The following BMP1 variants were observed in gnomAD, a reference collection of about 807,000 sequenced individuals.
BMP1 encodes the protein bone morphogenetic protein 1.
Under a neutral mutation model 116.8 loss-of-function variants are expected in BMP1, and 63 were observed. The ratio of observed to expected loss-of-function variants is 0.54; its 90% CI spans 0.44 to 0.67. The LOEUF is 0.67. Ranked by LOEUF, BMP1 falls within the 30% of genes least tolerant of loss-of-function variation. The pLI is 0.00. For synonymous variants in BMP1, 536 were observed against 533.4 expected (o/e 1.00, Z -0.07); for missense variants, 1,183 against 1,358.9 (o/e 0.87, Z 2.04).
chr8:22,194,516 C>G lies in BMP1; in HGVS notation c.1369C>G (p.Pro457Ala). 6.2e-7 allele frequency: 1 copy of G among 1,614,188 alleles called. No homozygotes were observed. Among genetic ancestry groups the G allele is most frequent in the Non-Finnish European group, 8.5e-7 (1 of 1,180,032 alleles). The change falls in exon 11 of 20, where the codon CCC becomes GCC. Residue 457 changes from proline to alanine, a missense_variant. Physicochemically the swap from Pro to Ala is conservative, Grantham distance 27 (BLOSUM62 -1). Around this residue, in one of 4 missense-constraint regions of BMP1, gnomAD observed 956 missense variants for 1,135.2 expected, o/e 0.84. Coordinates refer to ENST00000306385, the MANE Select transcript of BMP1 (RefSeq NM_006129.5). The surrounding 1 kb of genome is among the most constrained non-coding windows in gnomAD (Gnocchi z 4.5). ...QSPNYPDDYRPSKVCIWRIQV... is the reference protein window; with the variant it reads ...QSPNYPDDYRASKVCIWRIQV... ...GCCCAACTACCCAGACGATTACCGG[C>G]CCAGCAAAGTCTGCATCTGGCGGAT...
chr8:22,211,629 C>T lies in BMP1; in HGVS notation c.2862C>T (p.Val954=). Residue 954 remains valine (V), a synonymous_variant, in exon 20 of 20, where the codon GTC becomes GTT. Transcript: ENST00000306385. ...AGGTGTACTCGGCGGGAGATTCTGTCCTGGTGAAGTTCCACTCGGATGACA... is the reference window on the plus strand; with the variant it reads ...AGGTGTACTCGGCGGGAGATTCTGTTCTGGTGAAGTTCCACTCGGATGACA... ...PEEVYSAGDS[V]LVKFHSDDTI... 1.6e-5 allele frequency: 26 copies of T among 1,614,200 alleles called. No individual in the cohort carries two copies. Among genetic ancestry groups the T allele is most frequent in the Non-Finnish European group, 2.1e-5 (25 of 1,180,030 alleles).
intron 15 of BMP1, among the ~76,000 whole-genome samples, chr8:22,200,475 C>T (rs138441139): frequency 3.9e-5 from 6 of 152,262 alleles, no homozygotes; most frequent in African/African-American, 1.2e-4. Context: ...TCTTTGTATG[C>T]ACCTGTACAC....
chr8:22,203,810 G>T (rs1342295445), intron 16 of BMP1, among the ~76,000 whole-genome samples: 1 of 152,158 alleles, frequency 6.6e-6, no homozygotes, highest in East Asian at 1.9e-4. Context: ...CTGAGTCATG[G>T]AACTAGCTAG....
chr8:22,203,722 C>T (rs577548168), intron 16 of BMP1, among the ~76,000 whole-genome samples: 16 of 152,254 alleles, frequency 1.1e-4, no homozygotes, highest in African/African-American at 3.4e-4. Flanking sequence ...GAAACAGAAC[C>T]GAAGCCCTCA....
intron 8 of BMP1, among the ~76,000 whole-genome samples, chr8:22,183,862 C>T (rs976133690): frequency 1.4e-4 from 22 of 152,232 alleles, no homozygotes; most frequent in African/African-American, 5.1e-4. Flanking sequence ...AGACGTGAGC[C>T]GCCGCGCCTG....
At chr8:22,197,037 A>G (rs917936908) in intron 14 of BMP1, among the ~76,000 whole-genome samples, 197 bp downstream of exon 14, 2 of 152,168 alleles carry the variant, frequency 1.3e-5, no homozygotes, top group Admixed American at 6.5e-5. Context: ...ACATGTAGCA[A>G]GTGGGAGGAA....
rs1003184451 is a variant in BMP1 at position 22,204,169 on chromosome 8, G to A, written c.2233+2241G>A. Among the ~76,000 whole-genome samples, 6 of 152,176 alleles carry A rather than the reference G, an allele frequency of 3.9e-5. No homozygotes were observed. In the South Asian group the frequency reaches 8.3e-4, roughly 21 times the overall value. On this transcript the variant is annotated intron_variant, in intron 16 of 19. Coordinates refer to ENST00000306385, the MANE Select transcript of BMP1 (RefSeq NM_006129.5). ...TGGGCGTGCAAGGAACACAGGGGGC[G>A]TGGAAGGCCAGAGCGCAAAGAGGGA...
At chr8:22,208,290 G>C (rs1478601244) in intron 18 of BMP1, among the ~76,000 whole-genome samples, 1 of 152,234 alleles carries the variant, frequency 6.6e-6, no homozygotes, top group African/African-American at 2.4e-5. Flanking sequence ...GGCTTGCTCG[G>C]CTTTCACTTG....
Position 22,165,396 on chromosome 8 carries a change from C to T in BMP1, c.-10C>T, listed in dbSNP as rs766447932. 2 of 1,460,622 alleles carry T rather than the reference C, an allele frequency of 1.4e-6. No homozygotes were observed. Among genetic ancestry groups the T allele is most frequent in the Non-Finnish European group, 1.8e-6 (2 of 1,112,204 alleles). The allele number at this position is 1,460,622 out of a possible 1,614,324, so 90.5% of individuals were successfully genotyped here. A position where few individuals can be genotyped will look rare whatever the true frequency, so the allele number is the denominator to read the frequency against. On this transcript the variant is annotated 5_prime_UTR_variant, in exon 1 of 20. Coordinates refer to ENST00000306385, the MANE Select transcript of BMP1 (RefSeq NM_006129.5). ...CAGTGCGCCGCTTCCCTCGCCGCCGCCCCGCCAGCATGCCCGGCGTGGCCC... is the reference window on the plus strand; with the variant it reads ...CAGTGCGCCGCTTCCCTCGCCGCCGTCCCGCCAGCATGCCCGGCGTGGCCC...
At chr8:22,183,669 C>A (rs1268663230) in intron 8 of BMP1, among the ~76,000 whole-genome samples, 4 of 151,832 alleles carry the variant, frequency 2.6e-5, no homozygotes, top group Non-Finnish European at 5.9e-5. Context: ...TGCAATGGCA[C>A]GATCTCAGCT....
intron 1 of BMP1, among the ~76,000 whole-genome samples, chr8:22,166,807 G>A (rs2131833989): frequency 6.6e-6 from 1 of 152,292 alleles, no homozygotes; most frequent in South Asian, 2.1e-4. Flanking sequence ...CTGGGCTGCG[G>A]GTAAACCAGG....
chr8:22,186,309 A>G (rs1828769203), intron 8 of BMP1, among the ~76,000 whole-genome samples: 1 of 152,158 alleles, frequency 6.6e-6, no homozygotes, highest in South Asian at 2.1e-4. Context: ...TGCTGAGCAG[A>G]GTTGCTTGGC....
intron 18 of BMP1, among the ~76,000 whole-genome samples, chr8:22,207,797 G>A (rs1056032493): frequency 3.9e-5 from 6 of 152,360 alleles, no homozygotes; most frequent in South Asian, 4.1e-4. Context: ...CTGAGCGTAC[G>A]CGGGCCACCG....
In BMP1 at chr8:22,195,448, C is replaced by T; in HGVS notation, c.1640-14C>T. 1 of 1,593,484 alleles carries T rather than the reference C, an allele frequency of 6.3e-7. No homozygotes were observed. The highest frequency in any genetic ancestry group is 8.5e-7 in the Non-Finnish European group (1 of 1,173,068). ...ATGCCTGGAGTCTGTGACACCCTTTCCTTCCCACCACAGAGGTGGACGAGT... is the reference window on the plus strand; with the variant it reads ...ATGCCTGGAGTCTGTGACACCCTTTTCTTCCCACCACAGAGGTGGACGAGT... On this transcript the variant is annotated splice_polypyrimidine_tract_variant and intron_variant, in intron 12 of 19. Coordinates refer to ENST00000306385, the MANE Select transcript of BMP1 (RefSeq NM_006129.5).
intron 18 of BMP1, 107 bp downstream of exon 18, chr8:22,207,623 G>A (rs1308504420): frequency 2.0e-5 from 26 of 1,284,306 alleles, no homozygotes; most frequent in African/African-American, 4.4e-5. Context: ...TGAGCCCTGC[G>A]ACCCAGGGCC....
At chr8:22,177,337 A>G (rs1299874148) in intron 5 of BMP1, among the ~76,000 whole-genome samples, 198 bp downstream of exon 5, 2 of 152,130 alleles carry the variant, frequency 1.3e-5, no homozygotes, top group Non-Finnish European at 2.9e-5. Flanking sequence ...ACCCGCATCC[A>G]TTGTGGAGCT....
chr8:22,190,857 C>G (rs1828911759), intron 8 of BMP1, among the ~76,000 whole-genome samples: 1 of 152,206 alleles, frequency 6.6e-6, no homozygotes, highest in African/African-American at 2.4e-5. Flanking sequence ...GAACCCAGCT[C>G]TCCCAGAGCA....
chr8:22,190,001 A>G (rs888923824), intron 8 of BMP1, among the ~76,000 whole-genome samples: 2 of 152,012 alleles, frequency 1.3e-5, no homozygotes, highest in Non-Finnish European at 2.9e-5. Context: ...GCTCACTGCA[A>G]CCTCTGCCTC....
In BMP1 at chr8:22,187,064, C is replaced by A. The variant is rs57550890; in HGVS notation, c.1078-4985C>A. On this transcript the variant is annotated intron_variant, in intron 8 of 19. Transcript: ENST00000306385. ...CTGTTGCCCAGGCTGGAGTGCAGCT[C>A]ACTGCAACCTCTGCATCTCGGGTTC... Among the ~76,000 whole-genome samples the A allele has an allele frequency of 6.8e-3, 1,014 of 148,954 alleles. 21 individuals are homozygous for A. The East Asian group carries it at 0.078, about 11-fold the overall frequency.
Sources: gnomAD v4.1 joint callset for allele counts (sites outside exome capture counted in the v4.1 genomes callset) on GRCh38, gnomAD v4.1.1 for gene constraint, gnomAD v4.1.1 regional missense constraint, Gnocchi (gnomAD v3.1) non-coding constraint, MANE v1.5 for transcripts, NCBI Gene and HGNC (gene_info 2026-07-23, HGNC 2026-07-21) for gene names.